Variants in ZSCAN23 observed in about 807,000 individuals in gnomAD.
ZSCAN23 encodes the protein zinc finger and SCAN domain-containing protein 23.
ZSCAN23 carries 19 observed loss-of-function variants against 19.3 expected under a neutral mutation model. The observed-to-expected ratio is 0.99, with a 90% CI of 0.69 to 1.45. The LOEUF (loss-of-function observed/expected upper bound fraction) is 1.45. ZSCAN23 is among the 40% of genes most tolerant of loss of function. The probability of loss-of-function intolerance (pLI) is 0.00; values close to 1 mark genes in which losing one functional copy is unlikely to be tolerated. For missense variants in ZSCAN23, 372 were observed against 462.5 expected (o/e 0.80, Z 1.79); for synonymous variants, 140 against 166.2 (o/e 0.84, Z 1.21).
At position 28,434,622 on chromosome 6, in the gene ZSCAN23, C is replaced by A; in HGVS notation, c.1013G>T (p.Cys338Phe). Reference protein sequence around the residue: ...TGEKPYQCNQCNKSFSRRSVL... With the variant: ...TGEKPYQCNQFNKSFSRRSVL... ...TGAACGTCGACTAAAACTCTTATTG[C>A]ACTGATTGCACTGGTAAGGCTTCTC... is the stretch of plus-strand genomic sequence containing the variant. Residue 338 changes from cysteine to phenylalanine, a missense_variant, in exon 4 of 4, where the codon TGC (cysteine) becomes TTC (phenylalanine). Coordinates refer to ENST00000289788, the MANE Select transcript of ZSCAN23 (RefSeq NM_001012455.2). 1 of 1,558,464 alleles carries A rather than the reference C, an allele frequency of 6.4e-7. No homozygotes were observed. The highest frequency in any genetic ancestry group is 1.9e-5 in the Admixed American group (1 of 51,386).
chr6:28,428,074 C>A (rs558485857), downstream of ZSCAN23, among the ~76,000 whole-genome samples: 36 of 150,782 alleles, frequency 2.4e-4, no homozygotes, highest in Non-Finnish European at 4.1e-4. Flanking sequence ...AAAACTCCAT[C>A]AAAAAAAAAT....
chr6:28,441,159 G>A (rs1309896236), intron 1 of ZSCAN23, among the ~76,000 whole-genome samples: 1 of 152,196 alleles, frequency 6.6e-6, no homozygotes, highest in African/African-American at 2.4e-5. Flanking sequence ...TGTTAACCAA[G>A]GACATGCACG....
Position 28,436,335 on chromosome 6 carries a change from C to T in ZSCAN23, c.-69G>A, listed in dbSNP as rs909989936. The T allele has an allele frequency of 3.6e-6, 5 of 1,392,710 alleles. No individual in the cohort carries two copies. In the African/African-American group the frequency reaches 5.8e-5, roughly 16 times the overall value. The allele number at this position is 1,392,710 out of a possible 1,614,324, so 86.3% of individuals were successfully genotyped here. The stretch of plus-strand genomic sequence containing the variant: ...CTCCCTTGATCTTTTCTTCTGGAAA[C>T]CCCGAGATCTAGACAATAATTTACG... On this transcript the variant is annotated 5_prime_UTR_variant, in exon 2 of 4. Coordinates refer to ENST00000289788, the MANE Select transcript of ZSCAN23 (RefSeq NM_001012455.2).
Position 28,434,559 on chromosome 6 carries a change from C to G in ZSCAN23, c.1076G>C (p.Arg359Thr). Residue 359 changes from arginine to threonine, a missense_variant, in exon 4 of 4, where the codon AGA becomes ACA. Arg to Thr is a moderately conservative substitution (Grantham distance 71). Transcript: ENST00000289788. The part of the protein sequence containing the change: ...IKHQRIHTGE[R>T]PYECEECGKN... ...GCCACATTCTTCACATTCATAAGGT[C>G]TCTCTCCAGTGTGAATTCTCTGATG... 1.3e-6 allele frequency: 2 copies of G among 1,554,300 alleles called. No individual in the cohort carries two copies. Among genetic ancestry groups the G allele is most frequent in the Non-Finnish European group, 1.7e-6 (2 of 1,148,498 alleles).
chr6:28,435,144 C>A, intron 3 of ZSCAN23, 66 bp from the exon 4 acceptor site: 2 of 1,454,198 alleles, frequency 1.4e-6, no homozygotes, highest in Admixed American at 5.6e-5. Context: ...TTTCCAAAGA[C>A]AAAAGAAAAA....
intron 1 of ZSCAN23, among the ~76,000 whole-genome samples, chr6:28,442,936 T>C (rs1376969727): frequency 1.3e-5 from 2 of 152,238 alleles, no homozygotes; most frequent in Non-Finnish European, 2.9e-5. Context: ...TAGTAGATGC[T>C]ATTTATTCTT....
chr6:28,442,843 A>G (rs1233394872), intron 1 of ZSCAN23, among the ~76,000 whole-genome samples: 1 of 152,234 alleles, frequency 6.6e-6, no homozygotes, highest in Non-Finnish European at 1.5e-5. Flanking sequence ...GGTGTAGTCT[A>G]CATAATAATA....
At chr6:28,440,628 C>A (rs927584534) in intron 1 of ZSCAN23, among the ~76,000 whole-genome samples, 1 of 152,096 alleles carries the variant, frequency 6.6e-6, no homozygotes, top group African/African-American at 2.4e-5. Context: ...TTTTTTCAAT[C>A]TTTTAGGGTC....
rs1287667603 is a variant in ZSCAN23, at chr6:28,434,883, C to G, written c.752G>C (p.Cys251Ser). Residue 251 changes from cysteine to serine, a missense_variant, in exon 4 of 4, where the codon TGT (cysteine) becomes TCT (serine). Cys to Ser is a moderately radical substitution (Grantham distance 112). Transcript: ENST00000289788. The part of the protein sequence containing the change: ...VSSSVERPYI[C>S]SECGKSFTQN... ...GGTGAAGCTTTTTCCACATTCACTACAGATATAGGGTCTCTCCACTGAAGA... is the reference window on the plus strand; with the variant it reads ...GGTGAAGCTTTTTCCACATTCACTAGAGATATAGGGTCTCTCCACTGAAGA... 1.9e-6 allele frequency: 3 copies of G among 1,557,214 alleles called. No individual in the cohort carries two copies. Among genetic ancestry groups the G allele is most frequent in the South Asian group, 1.2e-5 (1 of 84,518 alleles).
At chr6:28,439,529 T>A (rs1761960641) in intron 1 of ZSCAN23, among the ~76,000 whole-genome samples, 2 of 152,224 alleles carry the variant, frequency 1.3e-5, no homozygotes, top group Non-Finnish European at 2.9e-5. Flanking sequence ...GAGCCTACCA[T>A]ATTCCATGTA....
At chr6:28,423,725 A>G in the ZSCAN23 span, among the ~76,000 whole-genome samples, 1 of 152,190 alleles carries the variant, frequency 6.6e-6, no homozygotes, top group Non-Finnish European at 1.5e-5. Flanking sequence ...TCCTGGGTGA[A>G]ACAGCTCAGA....
At chr6:28,432,530 TAGA>T (rs1327197961), downstream of ZSCAN23, 2 of 152,170 alleles carry the variant, frequency 1.3e-5, no homozygotes, top group African/African-American at 4.8e-5. Flanking sequence ...CATTTCTCTG[TAGA>T]AGAATTATGT....
rs1388623712 is a variant in ZSCAN23 at position 28,436,160 on chromosome 6, A to G, written c.107T>C (p.Leu36Pro). The G allele has an allele frequency of 1.3e-6, 2 of 1,575,950 alleles. No individual in the cohort carries two copies. Among genetic ancestry groups the G allele is most frequent in the Admixed American group, 3.8e-5 (2 of 53,176 alleles). The change falls in exon 2 of 4, where the codon CTG (leucine) becomes CCG (proline). Residue 36 changes from leucine to proline, a missense_variant. By Grantham distance (98) the Leu-to-Pro change is moderately conservative. Coordinates refer to ENST00000289788, the MANE Select transcript of ZSCAN23 (RefSeq NM_001012455.2). ...TCTGGTATGAGGGTTATTTCTTGAC[A>G]GGCCTGATTCTGGCCCACAGGAATG... is the stretch of plus-strand genomic sequence containing the variant. ...EEHSCGPESGLSRNNPHTREI... is the reference protein window; with the variant it reads ...EEHSCGPESGPSRNNPHTREI...
Position 28,434,411 on chromosome 6 carries a change from G to A in ZSCAN23, c.*54C>T. 3 of 1,468,638 alleles carry A rather than the reference G, an allele frequency of 2.0e-6. No homozygotes were observed. The highest frequency in any genetic ancestry group is 2.7e-6 in the Non-Finnish European group (3 of 1,105,708). The allele number at this position is 1,468,638 out of a possible 1,614,324, so 91.0% of individuals were successfully genotyped here. ...CTTTCCCTTGAACTTTTCTATGCTA[G>A]AGGACACAGCAGGGACAAAGTAAGA... On this transcript the variant is annotated 3_prime_UTR_variant, in exon 4 of 4. Transcript: ENST00000289788.
the ZSCAN23 span, among the ~76,000 whole-genome samples, chr6:28,421,738 GACAA>G: frequency 3.3e-5 from 5 of 152,086 alleles, no homozygotes; most frequent in Non-Finnish European, 7.4e-5. Flanking sequence ...AACTCTACAG[GACAA>G]ACAACTTCAT....
intron 3 of ZSCAN23, 84 bp downstream of exon 3, chr6:28,435,376 A>G: frequency 1.4e-6 from 2 of 1,472,008 alleles, no homozygotes; most frequent in African/African-American, 2.8e-5. Flanking sequence ...AGTGCCTGGC[A>G]TACAGCAGAC....
chr6:28,423,130 A>G, the ZSCAN23 span, among the ~76,000 whole-genome samples: 2 of 152,180 alleles, frequency 1.3e-5, no homozygotes, highest in East Asian at 1.9e-4. Context: ...TTAAAATCCC[A>G]TTATTACTGT....
downstream of ZSCAN23, among the ~76,000 whole-genome samples, chr6:28,430,245 C>A (rs1475225123): frequency 6.6e-6 from 1 of 152,100 alleles, no homozygotes; most frequent in Non-Finnish European, 1.5e-5. Context: ...TCGGCCCCAA[C>A]GAGCACCTTA....
At chr6:28,441,063 T>A (rs1761989521) in intron 1 of ZSCAN23, among the ~76,000 whole-genome samples, 1 of 152,178 alleles carries the variant, frequency 6.6e-6, no homozygotes, top group African/African-American at 2.4e-5. Context: ...CCTTAAAAAA[T>A]ACATCTGCAT....
Sources: allele counts gnomAD v4.1 joint callset (sites outside exome capture counted in the v4.1 genomes callset), GRCh38; gene constraint gnomAD v4.1.1; transcripts MANE v1.5; gene names NCBI Gene and HGNC (gene_info 2026-07-23, HGNC 2026-07-21).